TMPRSS13: variants seen among roughly 807,000 people sequenced by gnomAD.
TMPRSS13 encodes transmembrane protease serine 13.
Under a neutral mutation model 68.4 loss-of-function variants are expected in TMPRSS13, and 50 were observed. The ratio of observed to expected loss-of-function variants is 0.73; its 90% CI spans 0.58 to 0.93. The LOEUF is 0.93. TMPRSS13 is among the 40% of genes least tolerant of loss of function. The probability of loss-of-function intolerance (pLI) is 0.00; values close to 1 mark genes in which losing one functional copy is unlikely to be tolerated. For missense variants in TMPRSS13, 615 were observed against 729.2 expected (o/e 0.84, Z 1.80); for synonymous variants, 267 against 285.8 (o/e 0.93, Z 0.66).
At chr11:117,917,358 C>T in intron 2 of TMPRSS13, 84 bp from the exon 3 acceptor site, 1 of 1,059,126 alleles carries the variant, frequency 9.4e-7, no homozygotes, top group Non-Finnish European at 1.4e-6. Flanking sequence ...AAGACTGTGG[C>T]CCAGGAGGGC....
rs1445988106 is a variant in TMPRSS13 at position 117,918,728 on chromosome 11, T to C, written c.132A>G (p.Ala44=). The part of the protein sequence containing the change: ...ASPAQASPAQ[A]SPAGTPPGRA... ...GGCCCGGAGGTGTCCCAGCTGGAGA[T>C]GCCTGGGCTGGAGATGCCTGGGCTG... Residue 44 remains alanine (A), a synonymous_variant, in exon 2 of 13, where the codon GCA becomes GCG. Coordinates refer to ENST00000524993, the MANE Select transcript of TMPRSS13 (RefSeq NM_001077263.3). 1 of 1,607,350 alleles carries C rather than the reference T, an allele frequency of 6.2e-7. No individual in the cohort carries two copies.
At chr11:117,905,029 G>C (rs752269040) in intron 10 of TMPRSS13, among the ~76,000 whole-genome samples, 4 of 150,846 alleles carry the variant, frequency 2.7e-5, no homozygotes, top group Non-Finnish European at 5.9e-5. Context: ...CTCATAGCTG[G>C]GACTACAGGC....
In TMPRSS13 at chr11:117,914,298, C is replaced by A; in HGVS notation, c.679+94G>T. The A allele has an allele frequency of 6.6e-7, 1 of 1,520,268 alleles. No individual in the cohort carries two copies. The allele number at this position is 1,520,268 out of a possible 1,614,324, so 94.2% of individuals were successfully genotyped here. ...ACACACATGCACGCACACATATACA[C>A]ACACAGGCATGCATACACACACACA... On this transcript the variant is annotated intron_variant, in intron 4 of 12. Coordinates refer to ENST00000524993, the MANE Select transcript of TMPRSS13 (RefSeq NM_001077263.3). The surrounding 1 kb of genome is among the most constrained non-coding windows in gnomAD (Gnocchi z 4.2).
rs545461833 is a variant in TMPRSS13 at position 117,922,304 on chromosome 11, G to A, written c.22-3466C>T. 1.3e-5 allele frequency among the ~76,000 whole-genome samples: 2 copies of A among 152,160 alleles called. No homozygotes were observed. The highest frequency in any genetic ancestry group is 1.9e-4 in the East Asian group (1 of 5,168). ...GGCTGGAGTACAGTGGCGTGATCTC[G>A]GCTCACTGCAACCTCCACCTCCCGG... On this transcript the variant is annotated intron_variant, in intron 1 of 12. Transcript: ENST00000524993. This position sits in a 1 kb window ranked among gnomAD's most constrained non-coding sequence, Gnocchi z 4.2.
rs770753756 is a variant in TMPRSS13 at position 117,906,417 on chromosome 11, T to C, written c.1283-681A>G. ...GGGGACCAGGGCATTGACCAACACA[T>C]CTGAGTTTGCAGGAGGAAAATATTA... is the stretch of plus-strand genomic sequence containing the variant. On this transcript the variant is annotated intron_variant, in intron 9 of 12. Coordinates refer to ENST00000524993, the MANE Select transcript of TMPRSS13 (RefSeq NM_001077263.3). Among the ~76,000 whole-genome samples the C allele has an allele frequency of 4.6e-5, 7 of 152,242 alleles. No individual in the cohort carries two copies. The East Asian group carries it at 1.3e-3, about 29-fold the overall frequency.
chr11:117,912,204 C>A (rs936093849), intron 5 of TMPRSS13, among the ~76,000 whole-genome samples: 2 of 152,194 alleles, frequency 1.3e-5, no homozygotes, highest in African/African-American at 4.8e-5. Context: ...GCCCAGCGAT[C>A]ACCATTTTAA....
intron 9 of TMPRSS13, 152 bp from the exon 10 acceptor site, chr11:117,905,888 C>G: frequency 1.8e-6 from 1 of 553,504 alleles, no homozygotes; most frequent in Admixed American, 3.0e-5. Context: ...TCCTCCAGAG[C>G]CTTGGACTGA....
chr11:117,920,497 C>A (rs1229057032), intron 1 of TMPRSS13, among the ~76,000 whole-genome samples: 1 of 151,896 alleles, frequency 6.6e-6, no homozygotes, highest in African/African-American at 2.4e-5. Context: ...CACCACCGTG[C>A]CTGGCTAATT....
intron 1 of TMPRSS13, among the ~76,000 whole-genome samples, chr11:117,925,132 C>G (rs968907022): frequency 6.6e-6 from 1 of 152,212 alleles, no homozygotes; most frequent in Admixed American, 6.5e-5. Context: ...CGTGGAGGTG[C>G]CTTGCAGACC....
chr11:117,921,599 C>T (rs1280463399), intron 1 of TMPRSS13, among the ~76,000 whole-genome samples: 2 of 152,154 alleles, frequency 1.3e-5, no homozygotes, highest in Non-Finnish European at 2.9e-5. Flanking sequence ...GGGAGTCAGA[C>T]CAGACAGGGA....
At chr11:117,903,483 A>T (rs1461208755) in intron 12 of TMPRSS13, 172 bp downstream of exon 12, 1 of 1,540,916 alleles carries the variant, frequency 6.5e-7, no homozygotes. Flanking sequence ...AGGGAAAGAA[A>T]CACAGACAGC....
chr11:117,910,427 T>C (rs2057510433), intron 7 of TMPRSS13: 1 of 460,118 alleles, frequency 2.2e-6, no homozygotes, highest in Non-Finnish European at 3.9e-6. Context: ...TTTCTAAACA[T>C]AGGAAGAATA....
At chr11:117,919,697 G>A (rs2057623788) in intron 1 of TMPRSS13, among the ~76,000 whole-genome samples, 2 of 152,272 alleles carry the variant, frequency 1.3e-5, no homozygotes, top group African/African-American at 4.8e-5. Context: ...GTTCACATCT[G>A]TGGCCTCACA....
chr11:117,914,383 C>A lies in TMPRSS13; in HGVS notation c.679+9G>T. 6.2e-7 allele frequency: 1 copy of A among 1,613,324 alleles called. No homozygotes were observed. Among genetic ancestry groups the A allele is most frequent in the Non-Finnish European group, 8.5e-7 (1 of 1,179,938 alleles). ...CACGCACGCGCTCCCCCGCACCCAG[C>A]CTCCTTACCGCAGCCCAGCTCGTCA... On this transcript the variant is annotated intron_variant, in intron 4 of 12. Transcript: ENST00000524993. The surrounding 1 kb of genome is among the most constrained non-coding windows in gnomAD (Gnocchi z 4.2).
chr11:117,928,871 C>T (rs886843688), intron 1 of TMPRSS13, among the ~76,000 whole-genome samples: 3 of 152,194 alleles, frequency 2.0e-5, no homozygotes, highest in Admixed American at 6.5e-5. Flanking sequence ...GGGGTTTAGA[C>T]AAGATGCCCC....
intron 12 of TMPRSS13, chr11:117,903,357 T>C (rs2057427103): frequency 4.0e-6 from 6 of 1,517,596 alleles, no homozygotes; most frequent in Non-Finnish European, 5.3e-6. Context: ...TCAAAGTCCA[T>C]TGCAACCTTA....
At chr11:117,911,409 G>A (rs1165333919) in intron 6 of TMPRSS13, among the ~76,000 whole-genome samples, 1 of 152,128 alleles carries the variant, frequency 6.6e-6, no homozygotes, top group Non-Finnish European at 1.5e-5. Context: ...TCATGCCAGG[G>A]TGTCAGTGGT....
intron 1 of TMPRSS13, among the ~76,000 whole-genome samples, chr11:117,924,808 C>T (rs2057688091): frequency 6.6e-6 from 1 of 152,176 alleles, no homozygotes; most frequent in African/African-American, 2.4e-5. Flanking sequence ...CAAATACAGG[C>T]TCTCCTCAGC....
Position 117,909,848 on chromosome 11 carries a change from A to G in TMPRSS13, c.1067T>C (p.Ile356Thr), listed in dbSNP as rs774920560. 1.2e-6 allele frequency: 2 copies of G among 1,613,654 alleles called. No homozygotes were observed. Among genetic ancestry groups the G allele is most frequent in the Non-Finnish European group, 1.7e-6 (2 of 1,179,902 alleles). Residue 356 changes from isoleucine to threonine, a missense_variant, in exon 8 of 13, where the codon ATT becomes ACT. By Grantham distance (89) the Ile-to-Thr change is moderately conservative. Coordinates refer to ENST00000524993, the MANE Select transcript of TMPRSS13 (RefSeq NM_001077263.3). ...GTTHICGGTL[I>T]DAQWVLTAAH... is the part of the protein sequence containing the mutation. ...GGCAGTGAGCACCCACTGGGCGTCA[A>G]TGAGCGTGCCTCCACAGATGTGGGT...
Sources: allele counts gnomAD v4.1 joint callset (sites outside exome capture counted in the v4.1 genomes callset), GRCh38; gene constraint gnomAD v4.1.1; non-coding constraint Gnocchi (gnomAD v3.1); transcripts MANE v1.5; gene names NCBI Gene and HGNC (gene_info 2026-07-23, HGNC 2026-07-21).